Variants in STK31 observed in about 807,000 individuals in gnomAD.
STK31 encodes serine/threonine-protein kinase 31.
In STK31, 89 loss-of-function variants were observed where a neutral mutation model predicts 129.7. The ratio of observed to expected loss-of-function variants is 0.69; its 90% CI spans 0.58 to 0.82. STK31 has a LOEUF of 0.82. Ranked by LOEUF, STK31 falls within the 40% of genes least tolerant of loss-of-function variation. The pLI, the probability that STK31 is intolerant of heterozygous loss-of-function variation, is 0.00. For synonymous variants in STK31, 448 were observed against 395.3 expected (o/e 1.13, Z -1.58); for missense variants, 1,187 against 1,176.4 (o/e 1.01, Z -0.13).
At chr7:23,740,575 A>G (rs904340684) in intron 8 of STK31, among the ~76,000 whole-genome samples, 9 of 152,040 alleles carry the variant, frequency 5.9e-5, no homozygotes, top group African/African-American at 2.2e-4. Context: ...TACATGTGCC[A>G]TGTTGGTGTG....
At chr7:23,804,700 A>G (rs989763319) in intron 22 of STK31, among the ~76,000 whole-genome samples, 1 of 152,196 alleles carries the variant, frequency 6.6e-6, no homozygotes. Flanking sequence ...GTGAGACCCA[A>G]ACCTTTATGT....
intron 13 of STK31, among the ~76,000 whole-genome samples, chr7:23,770,349 A>G (rs1790104527): frequency 6.6e-6 from 1 of 151,664 alleles, no homozygotes; most frequent in South Asian, 2.1e-4. Context: ...TCTTTTTTTT[A>G]CTTTTTATAA....
rs541815495 is a variant in STK31, at chr7:23,784,025, A to G, written c.2148+362A>G. ...GCTAGCCCTGAGGGATTTGAGCACA[A>G]TGGGTTTTTTAAGTTAAAGCAGTCT... On this transcript the variant is annotated intron_variant, in intron 17 of 23. Transcript: ENST00000355870. Among the ~76,000 whole-genome samples the G allele has an allele frequency of 1.6e-4, 24 of 152,306 alleles. No homozygotes were observed. In the South Asian group the frequency reaches 4.6e-3, roughly 29 times the overall value.
intron 15 of STK31, among the ~76,000 whole-genome samples, chr7:23,772,977 T>C (rs1030938407): frequency 2.6e-5 from 4 of 152,146 alleles, no homozygotes; most frequent in Admixed American, 2.6e-4. Context: ...TGAAGAACTT[T>C]CTAGTTTTAT....
intron 3 of STK31, among the ~76,000 whole-genome samples, chr7:23,713,926 G>A (rs2128059772): frequency 6.6e-6 from 1 of 152,240 alleles, no homozygotes. Flanking sequence ...CAAGTATTAT[G>A]TACTGTACAT....
At chr7:23,821,804 TA>T (rs1382633652) in intron 23 of STK31, among the ~76,000 whole-genome samples, 2 of 152,206 alleles carry the variant, frequency 1.3e-5, no homozygotes, top group East Asian at 3.8e-4. Context: ...TTTAAGTCTT[TA>T]ATCAATCTTG....
chr7:23,830,309 A>G (rs1344170765), intron 23 of STK31, among the ~76,000 whole-genome samples: 1 of 151,504 alleles, frequency 6.6e-6, no homozygotes, highest in Non-Finnish European at 1.5e-5. Context: ...TCCCATCGTT[A>G]TTCTTCGTTT....
Position 23,829,479 on chromosome 7 carries a change from A to G in STK31, c.2830-2657A>G, listed in dbSNP as rs371149417. 3.9e-5 allele frequency among the ~76,000 whole-genome samples: 6 copies of G among 152,290 alleles called. No individual in the cohort carries two copies. In the South Asian group the frequency reaches 6.2e-4, roughly 16 times the overall value. On this transcript the variant is annotated intron_variant, in intron 23 of 23. Coordinates refer to ENST00000355870, the MANE Select transcript of STK31 (RefSeq NM_031414.5). ...TCCTAGCATCCCTGGGATAAATGCT[A>G]ATTAATCATGGTGTATTATGTTTTT...
Position 23,806,901 on chromosome 7 carries a change from GAAAAAAAAAAA to G in STK31, c.2761-8232_2761-8222del, listed in dbSNP as rs34751124. On this transcript the variant is annotated intron_variant, in intron 22 of 23. Coordinates refer to ENST00000355870, the MANE Select transcript of STK31 (RefSeq NM_031414.5). ...GGTGACAGAGCAAGACTCCGTCTCA[GAAAAAAAAAAA>G]AAAAAAAAAAGAGAGATACAGGATG... 6.9e-3 allele frequency among the ~76,000 whole-genome samples: 526 copies of G among 76,014 alleles called. 5 individuals carry two copies. Among genetic ancestry groups the G allele is most frequent in the South Asian group, 0.044 (90 of 2,056 alleles). The allele number at this position is 76,014 out of a possible 152,430, so 49.9% of individuals were successfully genotyped here.
chr7:23,795,726 T>C (rs995675091), intron 22 of STK31, among the ~76,000 whole-genome samples: 1 of 152,214 alleles, frequency 6.6e-6, no homozygotes, highest in Non-Finnish European at 1.5e-5. Context: ...CTTGCATCAG[T>C]GTGACCTGGA....
chr7:23,822,295 C>A (rs1316549365), intron 23 of STK31, among the ~76,000 whole-genome samples: 1 of 151,968 alleles, frequency 6.6e-6, no homozygotes, highest in Non-Finnish European at 1.5e-5. Context: ...TTGTTAGTGT[C>A]CTTTTCAGTT....
chr7:23,823,568 G>A (rs1279801223), intron 23 of STK31, among the ~76,000 whole-genome samples: 1 of 152,142 alleles, frequency 6.6e-6, no homozygotes, highest in Non-Finnish European at 1.5e-5. Flanking sequence ...TCTGATGGTG[G>A]TTTCTTTTGC....
intron 23 of STK31, among the ~76,000 whole-genome samples, chr7:23,825,596 A>T (rs1400759805): frequency 6.6e-6 from 1 of 151,890 alleles, no homozygotes; most frequent in African/African-American, 2.4e-5. Flanking sequence ...GTCTATATGT[A>T]CTTCAGTTCT....
At position 23,769,773 on chromosome 7, in the gene STK31, TTTA is replaced by T. The variant is rs1261373577; in HGVS notation, c.1713+23_1713+25del. ...GCTCTGGTTGTGAGTATCGATATTCTTTATTATTGCCTCCTTTGAAGCAGTGTG... is the reference window on the plus strand; with the variant it reads ...GCTCTGGTTGTGAGTATCGATATTCTTTATTGCCTCCTTTGAAGCAGTGTG... On this transcript the variant is annotated intron_variant, in intron 13 of 23. Transcript: ENST00000355870. 30 of 1,495,604 alleles carry T rather than the reference TTTA, an allele frequency of 2.0e-5. No individual in the cohort carries two copies. Among genetic ancestry groups the T allele is most frequent in the Non-Finnish European group, 2.7e-5 (29 of 1,080,912 alleles). 92.6% of individuals were successfully genotyped at this position (1,495,604 alleles called of 1,614,324 possible).
intron 20 of STK31, 112 bp downstream of exon 20, chr7:23,787,036 T>C: frequency 9.8e-7 from 1 of 1,022,170 alleles, no homozygotes; most frequent in Non-Finnish European, 1.5e-6. Flanking sequence ...TGACTCATGG[T>C]ATTCTATTTG....
chr7:23,745,992 G>A (rs920589240), intron 8 of STK31, among the ~76,000 whole-genome samples: 1 of 152,236 alleles, frequency 6.6e-6, no homozygotes, highest in African/African-American at 2.4e-5. Context: ...GCTGCCAGTG[G>A]CTCCTACCTC....
At chr7:23,809,539 G>A (rs77919738) in intron 22 of STK31, among the ~76,000 whole-genome samples, 12 of 151,946 alleles carry the variant, frequency 7.9e-5, no homozygotes, top group South Asian at 4.1e-4. Context: ...CAAAATCTGC[G>A]CAAAGTCCCA....
intron 22 of STK31, among the ~76,000 whole-genome samples, chr7:23,803,456 G>T (rs1459074510): frequency 6.6e-6 from 1 of 152,132 alleles, no homozygotes; most frequent in Non-Finnish European, 1.5e-5. Flanking sequence ...AGATACTGTG[G>T]TTTTAGATCA....
intron 23 of STK31, among the ~76,000 whole-genome samples, chr7:23,816,558 A>G (rs761371854): frequency 3.3e-5 from 5 of 152,206 alleles, no homozygotes; most frequent in African/African-American, 4.8e-5. Context: ...CTAACCTCAC[A>G]TGTTTGTTCA....
Sources: gnomAD v4.1 joint callset for allele counts (sites outside exome capture counted in the v4.1 genomes callset) on GRCh38, gnomAD v4.1.1 for gene constraint, MANE v1.5 for transcripts, NCBI Gene and HGNC (gene_info 2026-07-23, HGNC 2026-07-21) for gene names.